Variants in RAB21 observed in about 807,000 individuals in gnomAD.
RAB21 encodes the protein RAB21, member RAS oncogene family.
Under a neutral mutation model 33.1 loss-of-function variants are expected in RAB21, and 13 were observed. That is an observed-to-expected ratio of 0.39 (90% CI 0.26 to 0.62). The LOEUF (loss-of-function observed/expected upper bound fraction) is 0.62, where lower values mean the gene tolerates loss of function less well. Ranked by LOEUF, RAB21 falls within the 20% of genes least tolerant of loss-of-function variation. RAB21 has a pLI of 0.48. For synonymous variants in RAB21, 91 were observed against 103.7 expected (o/e 0.88, Z 0.74); for missense variants, 234 against 279.1 (o/e 0.84, Z 1.15).
Position 71,800,118 on chromosome 12 carries a change from C to A in RAB21, c.*14445C>A, listed in dbSNP as rs1883519678. ...TAATTGCACATGAAGTATACAAGTT[C>A]GATCTGTGAAACCACCATCACAGTG... On this transcript the variant is annotated 3_prime_UTR_variant, in exon 7 of 7. Transcript: ENST00000261263. The A allele has an allele frequency of 6.6e-6, 1 of 151,692 alleles. No individual in the cohort carries two copies. Among genetic ancestry groups the A allele is most frequent in the Admixed American group, 6.6e-5 (1 of 15,196 alleles). 9.4% of individuals were successfully genotyped at this position (151,692 alleles called of 1,614,324 possible). A position where few individuals can be genotyped will look rare whatever the true frequency, so the allele number is the denominator to read the frequency against.
chr12:71,777,841 T>C (rs2137653717), intron 4 of RAB21, among the ~76,000 whole-genome samples: 1 of 152,302 alleles, frequency 6.6e-6, no homozygotes, highest in Admixed American at 6.5e-5. Flanking sequence ...ATCCAAATGT[T>C]GTTGAGCTAG....
At chr12:71,773,442 A>G (rs1292184185) in intron 3 of RAB21, among the ~76,000 whole-genome samples, 1 of 152,256 alleles carries the variant, frequency 6.6e-6, no homozygotes, top group Non-Finnish European at 1.5e-5. Context: ...CCAAGGTTGC[A>G]AAACCCTGTC....
In RAB21 at chr12:71,792,449, T is replaced by TC. The variant is rs2137665918; in HGVS notation, c.*6778dup. On this transcript the variant is annotated 3_prime_UTR_variant, in exon 7 of 7. Transcript: ENST00000261263. Reference sequence around the variant, plus strand: ...TTCCTACTTGGAGAGCATTACAGTGTCCAACAATTTATAGGAGCTTCTCTG... The same window carrying TC: ...TTCCTACTTGGAGAGCATTACAGTGTCCCAACAATTTATAGGAGCTTCTCTG... The TC allele has an allele frequency of 6.6e-6, 1 of 152,314 alleles. No homozygotes were observed. Among genetic ancestry groups the TC allele is most frequent in the East Asian group, 1.9e-4 (1 of 5,180 alleles). 9.4% of individuals were successfully genotyped at this position (152,314 alleles called of 1,614,324 possible). A position where few individuals can be genotyped will look rare whatever the true frequency, so the allele number is the denominator to read the frequency against.
At chr12:71,771,821 A>C (rs1034922884) in intron 3 of RAB21, among the ~76,000 whole-genome samples, 1 of 152,056 alleles carries the variant, frequency 6.6e-6, no homozygotes, top group Non-Finnish European at 1.5e-5. Flanking sequence ...TAAAAATACA[A>C]AAAAATTAGC....
At chr12:71,783,527 TA>T (rs1883233805) in intron 6 of RAB21, among the ~76,000 whole-genome samples, 1 of 152,016 alleles carries the variant, frequency 6.6e-6, no homozygotes, top group South Asian at 2.1e-4. Context: ...ATAATTCTTC[TA>T]AAATATTGAT....
In RAB21 at chr12:71,772,860, A is replaced by G. The variant is rs545772649; in HGVS notation, c.328-1099A>G. On this transcript the variant is annotated intron_variant, in intron 3 of 6. Transcript: ENST00000261263. ...CTGTTATAAAGATAATGTGGTGATG[A>G]TAACTACCTTTGCTTTTATAAGGAT... Among the ~76,000 whole-genome samples, 4 of 152,336 alleles carry G rather than the reference A, an allele frequency of 2.6e-5. No homozygotes were observed. In the East Asian group the frequency reaches 7.7e-4, roughly 29 times the overall value.
rs1045151013 is a variant in RAB21, at chr12:71,790,334, C to T, written c.*4661C>T. ...TTCTGGCAACTGTATCATCTCTTCA[C>T]TATCACGTATTTTAAGAAAAAGCTA... On this transcript the variant is annotated 3_prime_UTR_variant, in exon 7 of 7. Coordinates refer to ENST00000261263, the MANE Select transcript of RAB21 (RefSeq NM_014999.4). 2.0e-5 allele frequency: 3 copies of T among 152,154 alleles called. No homozygotes were observed. The highest frequency in any genetic ancestry group is 7.2e-5 in the African/African-American group (3 of 41,434). 9.4% of individuals were successfully genotyped at this position (152,154 alleles called of 1,614,324 possible).
intron 3 of RAB21, 93 bp from the exon 4 acceptor site, chr12:71,773,866 T>C: frequency 1.2e-6 from 1 of 803,762 alleles, no homozygotes; most frequent in Non-Finnish European, 2.0e-6. Flanking sequence ...CTTAAAATTC[T>C]GAGGTATTTT....
intron 1 of RAB21, among the ~76,000 whole-genome samples, chr12:71,760,560 A>C (rs1882857313): frequency 6.6e-6 from 1 of 152,220 alleles, no homozygotes; most frequent in Non-Finnish European, 1.5e-5. Flanking sequence ...TATATGTCAA[A>C]CATTGTATTA....
At chr12:71,772,668 G>A (rs764829145) in intron 3 of RAB21, among the ~76,000 whole-genome samples, 10 of 152,068 alleles carry the variant, frequency 6.6e-5, no homozygotes, top group Non-Finnish European at 1.2e-4. Flanking sequence ...TTTCTTTTGA[G>A]GTGGTGAAGA....
Position 71,797,126 on chromosome 12 carries a change from C to T in RAB21, c.*11453C>T, listed in dbSNP as rs773879957. On this transcript the variant is annotated 3_prime_UTR_variant, in exon 7 of 7. Coordinates refer to ENST00000261263, the MANE Select transcript of RAB21 (RefSeq NM_014999.4). The stretch of plus-strand genomic sequence containing the variant: ...TCTGAAAGGTATACAAAATGTACTA[C>T]TATAATTAATGTCCTCAAGGAACTT... 1 of 152,024 alleles carries T rather than the reference C, an allele frequency of 6.6e-6. No homozygotes were observed. The highest frequency in any genetic ancestry group is 1.5e-5 in the Non-Finnish European group (1 of 67,988). The allele number at this position is 152,024 out of a possible 1,614,324, so 9.4% of individuals were successfully genotyped here. A position where few individuals can be genotyped will look rare whatever the true frequency, so the allele number is the denominator to read the frequency against.
intron 1 of RAB21, 133 bp from the exon 2 acceptor site, chr12:71,769,667 T>G: frequency 2.4e-6 from 1 of 421,506 alleles, no homozygotes; most frequent in Non-Finnish European, 4.3e-6. Flanking sequence ...ATTTCGATCA[T>G]TAATTTAAAA....
Position 71,754,988 on chromosome 12 carries a change from G to C in RAB21, c.-142G>C. ...CTTTCCCTCAGCCCTTCCAGGCCTC[G>C]CCCGAGGAGGGCGTGGGGACAGCGC... is the stretch of plus-strand genomic sequence containing the variant. On this transcript the variant is annotated 5_prime_UTR_variant, in exon 1 of 7. Coordinates refer to ENST00000261263, the MANE Select transcript of RAB21 (RefSeq NM_014999.4). The C allele has an allele frequency of 1.2e-6, 1 of 803,466 alleles. No homozygotes were observed. Among genetic ancestry groups the C allele is most frequent in the South Asian group, 5.5e-5 (1 of 18,238 alleles). The allele number at this position is 803,466 out of a possible 1,614,324, so 49.8% of individuals were successfully genotyped here. A position where few individuals can be genotyped will look rare whatever the true frequency, so the allele number is the denominator to read the frequency against.
chr12:71,757,153 G>A (rs989902500), intron 1 of RAB21, among the ~76,000 whole-genome samples: 2 of 151,940 alleles, frequency 1.3e-5, no homozygotes, highest in Admixed American at 6.6e-5. Context: ...TTGCCCTGTC[G>A]CCCAGGCTGA....
rs1156432759 is a variant in RAB21, at chr12:71,798,050, A to AAATGATAATGT, written c.*12378_*12388dup. 1.3e-5 allele frequency: 2 copies of AAATGATAATGT among 152,186 alleles called. No homozygotes were observed. The highest frequency in any genetic ancestry group is 4.8e-5 in the African/African-American group (2 of 41,452). 9.4% of individuals were successfully genotyped at this position (152,186 alleles called of 1,614,324 possible). On this transcript the variant is annotated 3_prime_UTR_variant, in exon 7 of 7. Transcript: ENST00000261263. ...AATTTGGAATAGAATTTACAATAAG[A>AAATGATAATGT]AATGATAATGTTTTCACTATAAATT...
chr12:71,763,961 A>G (rs1406921451), intron 1 of RAB21, among the ~76,000 whole-genome samples: 1 of 152,234 alleles, frequency 6.6e-6, no homozygotes, highest in Non-Finnish European at 1.5e-5. Context: ...TTTAAAAAAA[A>G]TCAGGTTCAC....
At chr12:71,763,156 C>G (rs1345850624) in intron 1 of RAB21, among the ~76,000 whole-genome samples, 1 of 150,780 alleles carries the variant, frequency 6.6e-6, no homozygotes, top group Non-Finnish European at 1.5e-5. Context: ...CATACACTCC[C>G]CAACGGCAGG....
rs1407438926 is a variant in RAB21, at chr12:71,789,545, C to T, written c.*3872C>T. ...AAAGAGGGAATACATAATTTGTGAC[C>T]ATTTAAGATGCTGATATTTTCTGGA... On this transcript the variant is annotated 3_prime_UTR_variant, in exon 7 of 7. Coordinates refer to ENST00000261263, the MANE Select transcript of RAB21 (RefSeq NM_014999.4). 2 of 152,020 alleles carry T rather than the reference C, an allele frequency of 1.3e-5. No homozygotes were observed. Among genetic ancestry groups the T allele is most frequent in the Non-Finnish European group, 2.9e-5 (2 of 67,962 alleles). The allele number at this position is 152,020 out of a possible 1,614,324, so 9.4% of individuals were successfully genotyped here.
chr12:71,794,774 A>T lies in RAB21; in HGVS notation c.*9101A>T, dbSNP rs1164080489. Reference sequence around the variant, plus strand: ...TTTATATATATTTCATATATATATTATATATATATAAAATTAACCGGGCAT... The same window carrying T: ...TTTATATATATTTCATATATATATTTTATATATATAAAATTAACCGGGCAT... On this transcript the variant is annotated 3_prime_UTR_variant, in exon 7 of 7. Coordinates refer to ENST00000261263, the MANE Select transcript of RAB21 (RefSeq NM_014999.4). The T allele has an allele frequency of 6.9e-6, 1 of 145,074 alleles. No individual in the cohort carries two copies. The allele number at this position is 145,074 out of a possible 1,614,324, so 9.0% of individuals were successfully genotyped here. A position where few individuals can be genotyped will look rare whatever the true frequency, so the allele number is the denominator to read the frequency against.
Sources: gnomAD v4.1 joint callset for allele counts (sites outside exome capture counted in the v4.1 genomes callset) on GRCh38, gnomAD v4.1.1 for gene constraint, MANE v1.5 for transcripts, NCBI Gene and HGNC (gene_info 2026-07-23, HGNC 2026-07-21) for gene names.